The following GLIS1 variants were observed in gnomAD, a reference collection of about 807,000 sequenced individuals.
GLIS1 encodes zinc finger protein GLIS1.
GLIS1 carries 24 observed loss-of-function variants against 63.8 expected under a neutral mutation model. The observed-to-expected ratio is 0.38, with a 90% CI of 0.27 to 0.53. The LOEUF is 0.53. Ranked by LOEUF, GLIS1 falls within the 20% of genes least tolerant of loss-of-function variation. The pLI is 0.85. For missense variants in GLIS1, 1,036 were observed against 1,074.1 expected (o/e 0.96, Z 0.50); for synonymous variants, 450 against 482.5 (o/e 0.93, Z 0.88).
chr1:53,539,871 G>A lies in GLIS1; in HGVS notation c.1321-9919C>T, dbSNP rs1175888678. Among the ~76,000 whole-genome samples, 1 of 151,586 alleles carries A rather than the reference G, an allele frequency of 6.6e-6. No individual in the cohort carries two copies. Among genetic ancestry groups the A allele is most frequent in the African/African-American group, 2.4e-5 (1 of 41,218 alleles). ...CCTGGCCTTGGGGACAGCATGCATA[G>A]CCTGAGAGATCTCCACTGACCTCTC... On this transcript the variant is annotated intron_variant, in intron 4 of 10. Coordinates refer to ENST00000628545, the MANE Select transcript of GLIS1 (RefSeq NM_001367484.1). This position sits in a 1 kb window ranked among gnomAD's most constrained non-coding sequence, Gnocchi z 5.0.
chr1:53,536,503 G>A (rs1185368605), intron 4 of GLIS1, among the ~76,000 whole-genome samples: 2 of 152,026 alleles, frequency 1.3e-5, no homozygotes, highest in Non-Finnish European at 2.9e-5. Flanking sequence ...TTCAGACAAC[G>A]TTCCCCGCTG....
intron 2 of GLIS1, among the ~76,000 whole-genome samples, chr1:53,618,162 GGGT>G (rs1375489691): frequency 6.6e-6 from 1 of 152,246 alleles, no homozygotes; most frequent in Non-Finnish European, 1.5e-5. Flanking sequence ...TCAGCAGAGA[GGGT>G]TTGAGAACCT....
At chr1:53,678,574 T>G (rs1646240902) in intron 2 of GLIS1, among the ~76,000 whole-genome samples, 1 of 152,062 alleles carries the variant, frequency 6.6e-6, no homozygotes, top group South Asian at 2.1e-4. Flanking sequence ...ATGGCAGAGA[T>G]GTACTAAGGG....
In GLIS1 at chr1:53,511,098, A is replaced by C. The variant is rs995449504; in HGVS notation, c.1884-1071T>G. 6.6e-6 allele frequency among the ~76,000 whole-genome samples: 1 copy of C among 152,182 alleles called. No homozygotes were observed. Among genetic ancestry groups the C allele is most frequent in the African/African-American group, 2.4e-5 (1 of 41,454 alleles). On this transcript the variant is annotated intron_variant, in intron 8 of 10. Transcript: ENST00000628545. This position sits in a 1 kb window ranked among gnomAD's most constrained non-coding sequence, Gnocchi z 4.2. Reference sequence around the variant, plus strand: ...CAGGGGCTAAAATGACTTTGGGATCAATGGCTTGGGGGCTCTGGGGACAAG... The same window carrying C: ...CAGGGGCTAAAATGACTTTGGGATCCATGGCTTGGGGGCTCTGGGGACAAG...
At chr1:53,678,163 T>C (rs1336603958) in intron 2 of GLIS1, among the ~76,000 whole-genome samples, 2 of 152,182 alleles carry the variant, frequency 1.3e-5, no homozygotes, top group East Asian at 1.9e-4. Context: ...CCATCAGACC[T>C]GATGATGTCC....
At chr1:53,667,957 CA>C (rs1646111716) in intron 2 of GLIS1, among the ~76,000 whole-genome samples, 1 of 152,186 alleles carries the variant, frequency 6.6e-6, no homozygotes, top group African/African-American at 2.4e-5. Flanking sequence ...CAATCCATTT[CA>C]TTACCATTGC....
At chr1:53,704,197 G>T (rs867175412) in intron 2 of GLIS1, among the ~76,000 whole-genome samples, 12 of 152,228 alleles carry the variant, frequency 7.9e-5, no homozygotes, top group Admixed American at 5.9e-4. Context: ...CAATGCTGCA[G>T]AAATTGGGGT....
At chr1:53,738,689 G>A (rs776847950) in intron 1 of GLIS1, among the ~76,000 whole-genome samples, 3 of 152,172 alleles carry the variant, frequency 2.0e-5, no homozygotes, top group Non-Finnish European at 4.4e-5. Flanking sequence ...TGAATCCTGC[G>A]ACGCGAACCC....
Position 53,511,500 on chromosome 1 carries a change from C to A in GLIS1, c.1884-1473G>T, listed in dbSNP as rs770062165. On this transcript the variant is annotated intron_variant, in intron 8 of 10. Transcript: ENST00000628545. This position sits in a 1 kb window ranked among gnomAD's most constrained non-coding sequence, Gnocchi z 4.2. ...TCATCATCCACACGTGTGGGGCCCC[C>A]GTCACTGTGAGCTCGCTGAGGACAG... is the stretch of plus-strand genomic sequence containing the variant. 1.3e-5 allele frequency among the ~76,000 whole-genome samples: 2 copies of A among 152,186 alleles called. No individual in the cohort carries two copies. Among genetic ancestry groups the A allele is most frequent in the African/African-American group, 4.8e-5 (2 of 41,448 alleles).
intron 2 of GLIS1, among the ~76,000 whole-genome samples, chr1:53,708,511 G>C (rs560891197): frequency 1.8e-4 from 28 of 152,244 alleles, no homozygotes; most frequent in Non-Finnish European, 3.4e-4. Context: ...AGGAGATTTT[G>C]CAACTCATCT....
chr1:53,675,114 G>A (rs368946473), intron 2 of GLIS1, among the ~76,000 whole-genome samples: 7 of 152,194 alleles, frequency 4.6e-5, no homozygotes, highest in East Asian at 3.8e-4. Context: ...CTGGTTGTCT[G>A]CAGCCACCAG....
chr1:53,731,377 G>T (rs1295247486), intron 2 of GLIS1, among the ~76,000 whole-genome samples: 1 of 152,184 alleles, frequency 6.6e-6, no homozygotes, highest in East Asian at 1.9e-4. Flanking sequence ...TGAGAAAGGG[G>T]TGCTCTGGGA....
At chr1:53,544,883 C>G (rs1291464508) in intron 4 of GLIS1, among the ~76,000 whole-genome samples, 2 of 152,140 alleles carry the variant, frequency 1.3e-5, no homozygotes, top group African/African-American at 4.8e-5. Flanking sequence ...GGCTGGGCTG[C>G]GTGGGAACCC....
chr1:53,715,579 C>G (rs1008429827), intron 2 of GLIS1, among the ~76,000 whole-genome samples: 1 of 152,164 alleles, frequency 6.6e-6, no homozygotes. Context: ...AGGGTGGCGG[C>G]TGGGAGACCA....
rs145375877 is a variant in GLIS1 at position 53,594,277 on chromosome 1, T to G, written c.1151A>C (p.Gln384Pro). ...CTCGATGTGCCGCACCAGCTCCTCC[T>G]GCTGCTCATAGGCTGCACAGCAGTC... ...WVDCCAAYEQ[Q>P]EELVRHIEKS... Residue 384 changes from glutamine to proline, a missense_variant, in exon 4 of 11, where the codon CAG (glutamine) becomes CCG (proline). Transcript: ENST00000628545. 1.2e-6 allele frequency: 2 copies of G among 1,613,284 alleles called. No homozygotes were observed. The highest frequency in any genetic ancestry group is 2.7e-5 in the African/African-American group (2 of 75,056).
intron 2 of GLIS1, among the ~76,000 whole-genome samples, chr1:53,678,220 C>G (rs1270781605): frequency 2.0e-5 from 3 of 151,972 alleles, no homozygotes; most frequent in Non-Finnish European, 4.4e-5. Flanking sequence ...TGTAGAGCCA[C>G]GCTGAGCTGC....
At chr1:53,731,267 G>A (rs1646857412) in intron 2 of GLIS1, among the ~76,000 whole-genome samples, 2 of 152,192 alleles carry the variant, frequency 1.3e-5, no homozygotes, top group African/African-American at 4.8e-5. Flanking sequence ...TGAGTCACTG[G>A]GAACATTCTC....
intron 2 of GLIS1, among the ~76,000 whole-genome samples, chr1:53,670,987 G>A (rs1646145063): frequency 6.6e-6 from 1 of 152,210 alleles, no homozygotes; most frequent in Admixed American, 6.5e-5. Flanking sequence ...TATTTTGAGA[G>A]GATGTGGCAC....
At chr1:53,714,699 T>C (rs1646680107) in intron 2 of GLIS1, among the ~76,000 whole-genome samples, 1 of 152,178 alleles carries the variant, frequency 6.6e-6, no homozygotes, top group Admixed American at 6.5e-5. Flanking sequence ...GGCCCTGTAC[T>C]GAGATGAGAT....
Sources: gnomAD v4.1 joint callset for allele counts (sites outside exome capture counted in the v4.1 genomes callset) on GRCh38, gnomAD v4.1.1 for gene constraint, Gnocchi (gnomAD v3.1) non-coding constraint, MANE v1.5 for transcripts, NCBI Gene and HGNC (gene_info 2026-07-23, HGNC 2026-07-21) for gene names.